Variants in MLIP observed in about 807,000 individuals in gnomAD.
MLIP encodes muscular LMNA interacting protein.
MLIP carries 79 observed loss-of-function variants against 84.8 expected under a neutral mutation model. The observed-to-expected ratio is 0.93, with a 90% CI of 0.78 to 1.12. The LOEUF (loss-of-function observed/expected upper bound fraction) is 1.12, where lower values mean the gene tolerates loss of function less well. Ranked by LOEUF, MLIP falls within the 50% of genes most tolerant of loss-of-function variation. MLIP has a pLI of 0.00. For synonymous variants in MLIP, 504 were observed against 463.0 expected (o/e 1.09, Z -1.14); for missense variants, 1,257 against 1,160.6 (o/e 1.08, Z -1.21).
intron 10 of MLIP, among the ~76,000 whole-genome samples, chr6:54,191,653 C>G (rs1777929435): frequency 6.6e-6 from 1 of 152,120 alleles, no homozygotes; most frequent in South Asian, 2.1e-4. Flanking sequence ...CCAAGCCCTT[C>G]CAGGGCTGTG....
chr6:54,236,146 A>C (rs1472305955), intron 12 of MLIP, among the ~76,000 whole-genome samples: 3 of 152,174 alleles, frequency 2.0e-5, no homozygotes, highest in Admixed American at 6.5e-5. Context: ...TCATCTACTC[A>C]CTAAAATTTA....
chr6:54,191,409 G>A, intron 10 of MLIP, among the ~76,000 whole-genome samples: 1 of 152,170 alleles, frequency 6.6e-6, no homozygotes, highest in East Asian at 1.9e-4. Flanking sequence ...CATATAGTGT[G>A]TATATGGCAT....
At chr6:54,129,522 T>C (rs1771205658) in intron 3 of MLIP, among the ~76,000 whole-genome samples, 1 of 152,188 alleles carries the variant, frequency 6.6e-6, no homozygotes, top group African/African-American at 2.4e-5. Flanking sequence ...AAGAAAATGA[T>C]AATAGAGTAT....
chr6:54,048,910 G>T (rs1765221852), intron 1 of MLIP, among the ~76,000 whole-genome samples: 1 of 152,102 alleles, frequency 6.6e-6, no homozygotes, highest in Non-Finnish European at 1.5e-5. Flanking sequence ...TCAAAATTAG[G>T]ACTCAGTACT....
chr6:54,114,487 T>C (rs1274736508), intron 1 of MLIP, among the ~76,000 whole-genome samples: 2 of 152,248 alleles, frequency 1.3e-5, no homozygotes, highest in African/African-American at 4.8e-5. Context: ...ATCTCTCATA[T>C]TCCACTTCCA....
intron 3 of MLIP, among the ~76,000 whole-genome samples, chr6:54,134,632 C>T (rs1463596820): frequency 1.3e-5 from 2 of 151,802 alleles, no homozygotes; most frequent in African/African-American, 2.4e-5. Context: ...AATGTTTGGT[C>T]ATTAGAAGCC....
chr6:54,228,218 A>ACG (rs767781298), intron 11 of MLIP, among the ~76,000 whole-genome samples: 1 of 142,980 alleles, frequency 7.0e-6, no homozygotes, highest in African/African-American at 2.8e-5. Context: ...AAAAAAAGAG[A>ACG]AAGAAAAAAG....
At chr6:54,164,018 A>G (rs1371958568) in intron 8 of MLIP, among the ~76,000 whole-genome samples, 3 of 152,002 alleles carry the variant, frequency 2.0e-5, no homozygotes, top group African/African-American at 7.2e-5. Context: ...GTATTTTGTC[A>G]GCATGATACT....
intron 1 of MLIP, among the ~76,000 whole-genome samples, chr6:54,077,055 CA>C (rs1766849542): frequency 6.6e-6 from 1 of 152,144 alleles, no homozygotes; most frequent in Admixed American, 6.5e-5. Context: ...ACCTCAGCTT[CA>C]TCAAATTTAC....
intron 5 of MLIP, among the ~76,000 whole-genome samples, chr6:54,149,847 G>A (rs754685078): frequency 6.6e-6 from 1 of 152,054 alleles, no homozygotes; most frequent in Non-Finnish European, 1.5e-5. Context: ...TAATAAATAT[G>A]TTACGCATGT....
At position 54,255,074 on chromosome 6, in the gene MLIP, T is replaced by A. The variant is rs571199406; in HGVS notation, c.2923-2234T>A. 2.0e-5 allele frequency among the ~76,000 whole-genome samples: 3 copies of A among 152,274 alleles called. No homozygotes were observed. In the East Asian group the frequency reaches 5.8e-4, roughly 29 times the overall value. On this transcript the variant is annotated intron_variant, in intron 12 of 13. Coordinates refer to ENST00000502396, the MANE Select transcript of MLIP (RefSeq NM_001281747.2). ...CCCTGAGATGCTCTTGGTCTGAGAA[T>A]GGGACACCCTTGACTTCAGTGCCTG...
chr6:54,160,448 T>C lies in MLIP; in HGVS notation c.2355+16T>C, dbSNP rs1324489613. The C allele has an allele frequency of 5.6e-6, 9 of 1,611,946 alleles. No homozygotes were observed. The highest frequency in any genetic ancestry group is 7.6e-6 in the Non-Finnish European group (9 of 1,178,926). ...ACCAGTGGAGGTAATAACTTCAGAT[T>C]ACCCCTGCTTTTGGTATGCAATTCC... On this transcript the variant is annotated intron_variant, in intron 6 of 13. Coordinates refer to ENST00000502396, the MANE Select transcript of MLIP (RefSeq NM_001281747.2).
chr6:54,210,267 G>T (rs1779350618), intron 11 of MLIP, among the ~76,000 whole-genome samples: 2 of 151,930 alleles, frequency 1.3e-5, no homozygotes, highest in African/African-American at 2.4e-5. Context: ...TTACAGTGCT[G>T]TATGTCCAAT....
rs145946168 is a variant in MLIP, at chr6:54,124,754, G to A, written c.534G>A (p.Ser178=). The A allele has an allele frequency of 2.5e-5, 40 of 1,614,166 alleles. No homozygotes were observed. The highest frequency in any genetic ancestry group is 2.3e-4 in the South Asian group (21 of 91,086). ...TCCGGCCCAAGTCTCTAGCTATCTCGTCCAGTCTGGTCTCTGATGTAGTGC... is the reference window on the plus strand; with the variant it reads ...TCCGGCCCAAGTCTCTAGCTATCTCATCCAGTCTGGTCTCTGATGTAGTGC... The part of the protein sequence containing the change: ...AAVRPKSLAI[S]SSLVSDVVRP... The change falls in exon 3 of 14, where the codon TCG becomes TCA. Residue 178 remains serine (S), a synonymous_variant. Coordinates refer to ENST00000502396, the MANE Select transcript of MLIP (RefSeq NM_001281747.2).
intron 1 of MLIP, chr6:54,030,797 T>C (rs962606191): frequency 3.3e-5 from 5 of 152,172 alleles, no homozygotes; most frequent in African/African-American, 1.2e-4. Context: ...AGACCTTAAT[T>C]ATTTACCTAC....
At chr6:54,104,150 G>A (rs1561932930) in intron 1 of MLIP, among the ~76,000 whole-genome samples, 1 of 151,980 alleles carries the variant, frequency 6.6e-6, no homozygotes, top group Non-Finnish European at 1.5e-5. Context: ...TTCTTCATAT[G>A]TAAATATATC....
At chr6:54,052,920 T>C (rs1765455315) in intron 1 of MLIP, among the ~76,000 whole-genome samples, 1 of 152,112 alleles carries the variant, frequency 6.6e-6, no homozygotes, top group Non-Finnish European at 1.5e-5. Flanking sequence ...TGGTCTACTT[T>C]GAGGTATTGT....
intron 5 of MLIP, among the ~76,000 whole-genome samples, chr6:54,151,120 C>T (rs1270349442): frequency 1.3e-5 from 2 of 151,956 alleles, no homozygotes; most frequent in Non-Finnish European, 2.9e-5. Context: ...ATTTTTGGAC[C>T]ATAAATATTT....
intron 11 of MLIP, among the ~76,000 whole-genome samples, chr6:54,209,899 T>A (rs1779298974): frequency 6.7e-6 from 1 of 148,152 alleles, no homozygotes. Context: ...CCTTTTTTCT[T>A]TCTTTTTTTT....
Sources: gnomAD v4.1 joint callset for allele counts (sites outside exome capture counted in the v4.1 genomes callset) on GRCh38, gnomAD v4.1.1 for gene constraint, MANE v1.5 for transcripts, NCBI Gene and HGNC (gene_info 2026-07-23, HGNC 2026-07-21) for gene names.